MALRD1: variants seen among roughly 807,000 people sequenced by gnomAD.
MALRD1 encodes MAM and LDL receptor class A domain containing 1.
Under a neutral mutation model 242.1 loss-of-function variants are expected in MALRD1, and 247 were observed. The observed-to-expected ratio is 1.02, with a 90% CI of 0.92 to 1.13. MALRD1 has a LOEUF of 1.13. MALRD1 is among the 50% of genes most tolerant of loss of function. The pLI is 0.00. For synonymous variants in MALRD1, 995 were observed against 866.6 expected, an observed-to-expected ratio of 1.15 and a Z score of -2.60; for missense variants, 2,989 against 2,533.1, an observed-to-expected ratio of 1.18 and a Z score of -3.86.
intron 38 of MALRD1, among the ~76,000 whole-genome samples, chr10:19,729,846 C>T (rs975585399): frequency 1.4e-5 from 2 of 145,230 alleles, no homozygotes; most frequent in Non-Finnish European, 3.0e-5. Flanking sequence ...ACGCCATTCT[C>T]CTGCCTCAGC....
Position 19,657,940 on chromosome 10 carries a change from G to C in MALRD1, c.6138-34342G>C, listed in dbSNP as rs559191018. Among the ~76,000 whole-genome samples the C allele has an allele frequency of 7.1e-4, 108 of 152,160 alleles. 1 individual carries two copies. Among genetic ancestry groups the C allele is most frequent in the African/African-American group, 2.4e-3 (98 of 41,520 alleles). On this transcript the variant is annotated intron_variant, in intron 36 of 39. Transcript: ENST00000454679. Reference sequence around the variant, plus strand: ...AGGCGGGTGGATCACCTGAGGTTGGGAGTTTGAGACCAGCCTGACCAACAT... The same window carrying C: ...AGGCGGGTGGATCACCTGAGGTTGGCAGTTTGAGACCAGCCTGACCAACAT...
At chr10:19,296,415 G>A (rs1369308570) in intron 21 of MALRD1, among the ~76,000 whole-genome samples, 1 of 152,116 alleles carries the variant, frequency 6.6e-6, no homozygotes, top group East Asian at 1.9e-4. Context: ...TATAAGAGGA[G>A]CAAGCAGGCT....
chr10:19,516,853 T>A (rs377017886), intron 31 of MALRD1, among the ~76,000 whole-genome samples: 6 of 152,192 alleles, frequency 3.9e-5, no homozygotes, highest in African/African-American at 1.4e-4. Flanking sequence ...TATGAGGTCC[T>A]ACAGAAGACA....
At position 19,672,687 on chromosome 10, in the gene MALRD1, G is replaced by A. The variant is rs189228482; in HGVS notation, c.6138-19595G>A. Among the ~76,000 whole-genome samples the A allele has an allele frequency of 2.7e-4, 41 of 152,194 alleles. No individual in the cohort carries two copies. The East Asian group carries it at 7.9e-3, about 29-fold the overall frequency. Reference sequence around the variant, plus strand: ...GATCTGTCTGCCTCGGCCTCCCAAAGTGCTGGGATTACAGGTGTGAGCCAC... The same window carrying A: ...GATCTGTCTGCCTCGGCCTCCCAAAATGCTGGGATTACAGGTGTGAGCCAC... On this transcript the variant is annotated intron_variant, in intron 36 of 39. Transcript: ENST00000454679.
intron 19 of MALRD1, among the ~76,000 whole-genome samples, chr10:19,262,474 G>A (rs893063080): frequency 6.6e-6 from 1 of 151,740 alleles, no homozygotes; most frequent in Non-Finnish European, 1.5e-5. Flanking sequence ...TGGTCAACAT[G>A]GTGAAACGTG....
chr10:19,117,973 C>G (rs1195306395), intron 5 of MALRD1, among the ~76,000 whole-genome samples: 1 of 152,000 alleles, frequency 6.6e-6, no homozygotes, highest in African/African-American at 2.4e-5. Flanking sequence ...ATTGCGTTCA[C>G]CAAGCTTACA....
At chr10:19,454,252 A>C (rs1371567540) in intron 29 of MALRD1, among the ~76,000 whole-genome samples, 1 of 151,878 alleles carries the variant, frequency 6.6e-6, no homozygotes, top group East Asian at 1.9e-4. Context: ...TAATAGGACA[A>C]ACCACAAACA....
At position 19,613,146 on chromosome 10, in the gene MALRD1, G is replaced by A. The variant is rs569357433; in HGVS notation, c.6071-2711G>A. Among the ~76,000 whole-genome samples, 14 of 152,012 alleles carry A rather than the reference G, an allele frequency of 9.2e-5. No homozygotes were observed. The South Asian group carries it at 2.9e-3, about 32-fold the overall frequency. On this transcript the variant is annotated intron_variant, in intron 35 of 39. Coordinates refer to ENST00000454679, the MANE Select transcript of MALRD1 (RefSeq NM_001142308.3). ...TATCAAAGACAAGGAGCATATCTAT[G>A]TACCAGAAGCAATGATGTCAAAATG...
intron 2 of MALRD1, among the ~76,000 whole-genome samples, chr10:19,080,549 A>G (rs1358985427): frequency 6.6e-6 from 1 of 152,138 alleles, no homozygotes; most frequent in Admixed American, 6.6e-5. Flanking sequence ...TGGTGCTGGG[A>G]GAACTGGCTA....
At chr10:19,594,543 T>A (rs1837979900) in intron 33 of MALRD1, among the ~76,000 whole-genome samples, 1 of 152,192 alleles carries the variant, frequency 6.6e-6, no homozygotes, top group Non-Finnish European at 1.5e-5. Context: ...TGCATGTTTA[T>A]AGCAGCACAA....
At chr10:19,087,980 G>A (rs938814182) in intron 3 of MALRD1, 44 bp from the exon 4 acceptor site, 17 of 1,232,488 alleles carry the variant, frequency 1.4e-5, no homozygotes, top group Non-Finnish European at 1.5e-5. Flanking sequence ...CACATTTGGG[G>A]ACTTCTTTAT....
intron 31 of MALRD1, among the ~76,000 whole-genome samples, chr10:19,521,263 C>T (rs12243880): frequency 0.2 from 31,082 of 152,008 alleles, 4,869 homozygotes; most frequent in African/African-American, 0.45. Context: ...TAATGAACTA[C>T]TTAACCATTT....
At chr10:19,448,859 G>T (rs1589094420) in intron 28 of MALRD1, among the ~76,000 whole-genome samples, 3 of 151,952 alleles carry the variant, frequency 2.0e-5, no homozygotes, top group Admixed American at 2.0e-4. Flanking sequence ...TTTGGAATCT[G>T]TTGTTAAAAT....
chr10:19,171,506 GTCTA>G (rs1205734580), intron 13 of MALRD1, among the ~76,000 whole-genome samples: 1 of 135,828 alleles, frequency 7.4e-6, no homozygotes, highest in Non-Finnish European at 1.6e-5. Context: ...ATATATATGT[GTCTA>G]TGTGTGTATA....
intron 36 of MALRD1, among the ~76,000 whole-genome samples, chr10:19,646,802 G>A (rs1840680344): frequency 6.6e-6 from 1 of 152,094 alleles, no homozygotes; most frequent in Non-Finnish European, 1.5e-5. Context: ...GTTGTTTTAT[G>A]TGTTGAATGA....
At chr10:19,212,971 T>C (rs1413789427) in intron 18 of MALRD1, among the ~76,000 whole-genome samples, 2 of 152,234 alleles carry the variant, frequency 1.3e-5, no homozygotes, top group African/African-American at 2.4e-5. Flanking sequence ...TTAAAATATA[T>C]TTTTGATGCA....
chr10:19,191,323 CAAAA>C (rs547438119), intron 14 of MALRD1, among the ~76,000 whole-genome samples: 1 of 152,022 alleles, frequency 6.6e-6, no homozygotes, highest in Admixed American at 6.6e-5. Flanking sequence ...CAAAACCAAA[CAAAA>C]AACCAATCCA....
intron 36 of MALRD1, among the ~76,000 whole-genome samples, chr10:19,665,405 T>C (rs7094760): frequency 0.1 from 15,421 of 152,158 alleles, 1,971 homozygotes; most frequent in African/African-American, 0.3. Context: ...TAAGGTCGTT[T>C]TCCCATTTCT....
intron 21 of MALRD1, among the ~76,000 whole-genome samples, chr10:19,287,753 G>A (rs1224160131): frequency 6.6e-6 from 1 of 152,134 alleles, no homozygotes; most frequent in East Asian, 1.9e-4. Context: ...TGATGTTGAG[G>A]TGAAGACAAC....
Sources: gnomAD v4.1 joint callset for allele counts (sites outside exome capture counted in the v4.1 genomes callset) on GRCh38, gnomAD v4.1.1 for gene constraint, MANE v1.5 for transcripts, NCBI Gene and HGNC (gene_info 2026-07-23, HGNC 2026-07-21) for gene names.